The following TRMT11 variants were observed in gnomAD, a reference collection of about 807,000 sequenced individuals.
TRMT11 encodes the protein tRNA methyltransferase 11, also known as tRNA (guanine(10)-N(2))-methyltransferase TRMT11.
Under a neutral mutation model 62.8 loss-of-function variants are expected in TRMT11, and 53 were observed. The observed-to-expected ratio is 0.84, with a 90% CI of 0.68 to 1.06. The LOEUF is 1.06. TRMT11 is among the 50% of genes least tolerant of loss of function. The pLI, the probability that TRMT11 is intolerant of heterozygous loss-of-function variation, is 0.00. For missense variants in TRMT11, 556 were observed against 553.4 expected, an observed-to-expected ratio of 1.00 and a Z score of -0.05; for synonymous variants, 188 against 190.3, an observed-to-expected ratio of 0.99 and a Z score of 0.10.
the TRMT11 span, among the ~76,000 whole-genome samples, chr6:126,272,206 G>A: frequency 6.6e-6 from 1 of 152,120 alleles, no homozygotes; most frequent in South Asian, 2.1e-4. Context: ...ATGCTCTATA[G>A]ACAAAATTCT....
chr6:126,188,332 A>C (rs1778550239), intron 1 of TRMT11, among the ~76,000 whole-genome samples: 1 of 152,100 alleles, frequency 6.6e-6, no homozygotes, highest in South Asian at 2.1e-4. Flanking sequence ...TTTGAACAAG[A>C]ACTTCAAAAA....
chr6:126,152,961 C>T (rs1778075998), intron 21 of TRMT11, among the ~76,000 whole-genome samples: 1 of 152,036 alleles, frequency 6.6e-6, no homozygotes, highest in Non-Finnish European at 1.5e-5. Flanking sequence ...CCATTTTTGA[C>T]CAGAAGAATG....
At chr6:126,172,594 A>AT (rs916346577), upstream of TRMT11, among the ~76,000 whole-genome samples, 4 of 151,322 alleles carry the variant, frequency 2.6e-5, no homozygotes, top group East Asian at 1.9e-4. Context: ...CTTCAAGTGT[A>AT]TTTTTTTTTC....
At chr6:126,221,917 ATTC>A in the TRMT11 span, among the ~76,000 whole-genome samples, 2 of 152,108 alleles carry the variant, frequency 1.3e-5, no homozygotes, top group Non-Finnish European at 2.9e-5. Context: ...TTTCCTCAGT[ATTC>A]TTCTAGGATT....
rs1399326370 is a variant in TRMT11, at chr6:126,191,299, T to A, written n.144-7500T>A. Among the ~76,000 whole-genome samples, 6 of 152,224 alleles carry A rather than the reference T, an allele frequency of 3.9e-5. No individual in the cohort carries two copies. In the East Asian group the frequency reaches 1.2e-3, roughly 29 times the overall value. ...TTTAAAATCAGATTACTAGTTTTTT[T>A]TCTTTTTAGCTATTGAATTGAGTTC... is the stretch of plus-strand genomic sequence containing the variant. On this transcript the variant is annotated intron_variant and non_coding_transcript_variant, in intron 1 of 3. Coordinates refer to the TRMT11 transcript ENST00000444229.
chr6:126,038,437 C>A (rs1188960201), intron 12 of TRMT11, among the ~76,000 whole-genome samples: 910 of 128,890 alleles, frequency 7.1e-3, no homozygotes, highest in South Asian at 7.8e-3. Flanking sequence ...TGCCCTGAGG[C>A]AAAAAAAAAA....
intron 21 of TRMT11, among the ~76,000 whole-genome samples, chr6:126,168,035 T>C (rs917908287): frequency 6.6e-6 from 1 of 152,238 alleles, no homozygotes; most frequent in Non-Finnish European, 1.5e-5. Flanking sequence ...GTGAACTGCA[T>C]GGCTTCAGAT....
In TRMT11 at chr6:126,026,538, C is replaced by T. The variant is rs1227247853; in HGVS notation, c.1260+5258C>T. Among the ~76,000 whole-genome samples, 7 of 151,962 alleles carry T rather than the reference C, an allele frequency of 4.6e-5. 1 individual carries two copies. The highest frequency in any genetic ancestry group is 4.6e-4 in the Admixed American group (7 of 15,238). On this transcript the variant is annotated intron_variant, in intron 12 of 12. Coordinates refer to ENST00000334379, the MANE Select transcript of TRMT11 (RefSeq NM_001031712.3). Reference sequence around the variant, plus strand: ...AGTAGCTGGGACTACAGGCGTGTGCCACCATGCCCAGCTAATTTTTGTATT... The same window carrying T: ...AGTAGCTGGGACTACAGGCGTGTGCTACCATGCCCAGCTAATTTTTGTATT...
intron 12 of TRMT11, among the ~76,000 whole-genome samples, chr6:126,024,609 C>T (rs889714976): frequency 2.6e-4 from 40 of 152,174 alleles, no homozygotes; most frequent in African/African-American, 9.4e-4. Context: ...TGCATAATTA[C>T]CTCCTTAAAG....
At chr6:126,062,377 T>C (rs1250928789) in intron 17 of TRMT11, among the ~76,000 whole-genome samples, 1 of 152,260 alleles carries the variant, frequency 6.6e-6, no homozygotes, top group Admixed American at 6.5e-5. Context: ...GTTCCAATTT[T>C]ATTTACAGGT....
At chr6:126,245,787 A>T in the TRMT11 span, among the ~76,000 whole-genome samples, 1 of 152,086 alleles carries the variant, frequency 6.6e-6, no homozygotes, top group Non-Finnish European at 1.5e-5. Context: ...TGAAGTTTGA[A>T]TATACTGTAT....
chr6:125,998,438 T>G (rs1791958295), intron 5 of TRMT11, 112 bp from the exon 6 acceptor site: 2 of 1,335,814 alleles, frequency 1.5e-6, no homozygotes, highest in African/African-American at 1.5e-5. Flanking sequence ...CTAAGTGCTT[T>G]TCATGTTTTA....
At chr6:126,105,984 A>C (rs1777460171) in intron 17 of TRMT11, among the ~76,000 whole-genome samples, 1 of 152,218 alleles carries the variant, frequency 6.6e-6, no homozygotes, top group Non-Finnish European at 1.5e-5. Context: ...AAATGCCTGG[A>C]ATAGTGCCAG....
chr6:126,168,788 A>G (rs950198921), intron 21 of TRMT11, among the ~76,000 whole-genome samples: 2 of 152,196 alleles, frequency 1.3e-5, no homozygotes, highest in African/African-American at 2.4e-5. Context: ...AAGTGCTGGG[A>G]TTACAGGTGC....
At chr6:126,182,955 C>A (rs1778483907) in intron 1 of TRMT11, among the ~76,000 whole-genome samples, 1 of 152,020 alleles carries the variant, frequency 6.6e-6, no homozygotes, top group African/African-American at 2.4e-5. Flanking sequence ...CCCATTTCAA[C>A]TGGGGCTGTT....
chr6:126,078,699 T>C (rs1365180085), intron 17 of TRMT11, among the ~76,000 whole-genome samples: 1 of 152,112 alleles, frequency 6.6e-6, no homozygotes, highest in African/African-American at 2.4e-5. Context: ...AAAACTTCCG[T>C]CAACTTGAGC....
downstream of TRMT11, among the ~76,000 whole-genome samples, chr6:126,204,617 A>G (rs891139302): frequency 3.3e-5 from 5 of 152,212 alleles, no homozygotes; most frequent in African/African-American, 9.6e-5. Flanking sequence ...TCTTGATTCC[A>G]TAGGTCAATT....
intron 1 of TRMT11, among the ~76,000 whole-genome samples, chr6:126,190,814 A>C (rs2128246543): frequency 6.6e-6 from 1 of 152,304 alleles, no homozygotes; most frequent in South Asian, 2.1e-4. Context: ...TTGTGTCTAC[A>C]TACCACATTT....
At chr6:126,223,956 T>A in the TRMT11 span, among the ~76,000 whole-genome samples, 21 of 152,368 alleles carry the variant, frequency 1.4e-4, no homozygotes, top group Admixed American at 2.6e-4. Context: ...CTGATTGTAT[T>A]ATGAAATTCT....
Sources: gnomAD v4.1 joint callset for allele counts (sites outside exome capture counted in the v4.1 genomes callset) on GRCh38, gnomAD v4.1.1 for gene constraint, MANE v1.5 for transcripts, NCBI Gene and HGNC (gene_info 2026-07-23, HGNC 2026-07-21) for gene names.